Variants in DEFB134 observed in about 807,000 individuals in gnomAD.
DEFB134 encodes defensin beta 134.
In DEFB134, 7 loss-of-function variants were observed where a neutral mutation model predicts 7.4. That is an observed-to-expected ratio of 0.95 (90% CI 0.54 to 1.79). The LOEUF (loss-of-function observed/expected upper bound fraction) is 1.79, where lower values mean the gene tolerates loss of function less well. Among genes scored for constraint, DEFB134 ranks in the 40% most tolerant of loss-of-function variants. DEFB134 has a pLI of 0.00. For synonymous variants in DEFB134, 33 were observed against 25.0 expected, an observed-to-expected ratio of 1.32 and a Z score of -0.96; for missense variants, 105 against 74.8, an observed-to-expected ratio of 1.40 and a Z score of -1.49.
At chr8:11,999,193 C>T (rs1378224369), upstream of DEFB134, 1 of 195,570 alleles carries the variant, frequency 5.1e-6, no homozygotes, top group Non-Finnish European at 1.2e-5. Flanking sequence ...TCTTAGCAAC[C>T]AGCCAGTGAG....
chr8:11,997,235 T>C (rs1010029834), upstream of DEFB134, among the ~76,000 whole-genome samples: 6 of 152,258 alleles, frequency 3.9e-5, no homozygotes, highest in East Asian at 7.7e-4. Context: ...TCGTCCTTGC[T>C]ATAATATGAA....
chr8:11,997,371 A>G (rs1329089893), upstream of DEFB134, among the ~76,000 whole-genome samples: 3 of 152,200 alleles, frequency 2.0e-5, no homozygotes, highest in Non-Finnish European at 2.9e-5. Flanking sequence ...TAAAGCTGCT[A>G]TGGACATTCA....
At chr8:11,997,705 A>C (rs1033853132), upstream of DEFB134, among the ~76,000 whole-genome samples, 15 of 152,250 alleles carry the variant, frequency 9.9e-5, no homozygotes, top group African/African-American at 2.4e-5. Flanking sequence ...ATATTGGAGC[A>C]CTGAGATTTA....
intron 1 of DEFB134, among the ~76,000 whole-genome samples, 166 bp from the exon 3 acceptor site, chr8:11,994,288 C>G (rs1279824366): frequency 6.6e-6 from 1 of 152,010 alleles, no homozygotes; most frequent in Non-Finnish European, 1.5e-5. Flanking sequence ...TTGTGTCACC[C>G]CAAAATTCAT....
exon 1 of DEFB134, chr8:11,996,266 G>T: frequency 6.2e-7 from 1 of 1,613,542 alleles, no homozygotes; most frequent in South Asian, 1.1e-5. Flanking sequence ...GGGAACTTCT[G>T]TTAAGGAGGC....
chr8:11,999,385 A>C (rs1485015337), upstream of DEFB134: 2 of 205,738 alleles, frequency 9.7e-6, no homozygotes, highest in Non-Finnish European at 1.1e-5. Flanking sequence ...AAAGTGTTGA[A>C]TATGACTCAA....
At chr8:11,994,370 G>A (rs1346981251) in intron 1 of DEFB134, among the ~76,000 whole-genome samples, 1 of 152,184 alleles carries the variant, frequency 6.6e-6, no homozygotes, top group Non-Finnish European at 1.5e-5. Flanking sequence ...TAAGTTAAAT[G>A]AGGTCATGAT....
chr8:11,996,986 C>T (rs191298791), upstream of DEFB134, among the ~76,000 whole-genome samples: 9 of 152,332 alleles, frequency 5.9e-5, no homozygotes, highest in East Asian at 1.9e-4. Flanking sequence ...CATATCTATA[C>T]GTTTGTGAGA....
upstream of DEFB134, chr8:11,998,954 G>C (rs1228900062): frequency 6.6e-6 from 1 of 152,258 alleles, no homozygotes; most frequent in Admixed American, 6.5e-5. Context: ...ATAAATGCCT[G>C]GAAAAGTACA....
chr8:11,996,149 C>A, intron 1 of DEFB134, 45 bp downstream of exon 2: 1 of 1,608,434 alleles, frequency 6.2e-7, no homozygotes, highest in Non-Finnish European at 8.5e-7. Flanking sequence ...TGGCATTGTT[C>A]TTCTATATGA....
upstream of DEFB134, among the ~76,000 whole-genome samples, chr8:11,997,802 A>C (rs887137308): frequency 3.3e-5 from 5 of 152,212 alleles, no homozygotes; most frequent in African/African-American, 1.2e-4. Context: ...GACAGTGTTA[A>C]GCAGATACTT....
upstream of DEFB134, among the ~76,000 whole-genome samples, chr8:11,997,344 T>G (rs1800153422): frequency 6.6e-6 from 1 of 152,204 alleles, no homozygotes; most frequent in Admixed American, 6.5e-5. Flanking sequence ...TTATTTCCAG[T>G]TTTTGGCTAT....
At chr8:11,996,171 C>G in intron 1 of DEFB134, 23 bp downstream of exon 2, 1 of 1,613,060 alleles carries the variant, frequency 6.2e-7, no homozygotes, top group Non-Finnish European at 8.5e-7. Context: ...GCACCCCTAC[C>G]CCCCAAAATA....
rs772305241 is a variant in DEFB134, at chr8:11,994,134, A to G, written c.59-12T>C. On this transcript the variant is annotated splice_polypyrimidine_tract_variant and intron_variant, in intron 1 of 1. Coordinates refer to ENST00000526438, the Ensembl canonical transcript of DEFB134. ...TAATGAATTTATACCTGGAAGGAAAATGAATAGAAAGATAATTCACTACAG... is the reference window on the plus strand; with the variant it reads ...TAATGAATTTATACCTGGAAGGAAAGTGAATAGAAAGATAATTCACTACAG... 6.2e-7 allele frequency: 1 copy of G among 1,607,582 alleles called. No individual in the cohort carries two copies. The highest frequency in any genetic ancestry group is 8.5e-7 in the Non-Finnish European group (1 of 1,178,022).
chr8:11,995,867 G>A (rs1800105274), intron 1 of DEFB134, among the ~76,000 whole-genome samples: 1 of 151,056 alleles, frequency 6.6e-6, no homozygotes, highest in Non-Finnish European at 1.5e-5. Context: ...TTCCATACAT[G>A]ATCTGATTTA....
chr8:11,997,226 C>T (rs138763740), upstream of DEFB134, among the ~76,000 whole-genome samples: 1,313 of 152,282 alleles, frequency 8.6e-3, 8 homozygotes, highest in African/African-American at 0.029. Context: ...ATTTGAGATT[C>T]GTCCTTGCTA....
At chr8:11,999,217 GA>G, upstream of DEFB134, 1 of 205,010 alleles carries the variant, frequency 4.9e-6, no homozygotes, top group South Asian at 1.1e-4. Flanking sequence ...GTGGGTTCAT[GA>G]AAAGCAGGTA....
chr8:11,999,301 G>A (rs1277191719), upstream of DEFB134: 7 of 217,490 alleles, frequency 3.2e-5, no homozygotes, highest in Non-Finnish European at 7.1e-5. Flanking sequence ...CAATCACTCT[G>A]AGAAAAAAAG....
upstream of DEFB134, among the ~76,000 whole-genome samples, chr8:11,996,963 G>A (rs1354797880): frequency 2.0e-5 from 3 of 152,014 alleles, no homozygotes; most frequent in African/African-American, 4.8e-5. Flanking sequence ...GTGTACAATC[G>A]GATAAGTTTT....
Sources: gnomAD v4.1 joint callset for allele counts (sites outside exome capture counted in the v4.1 genomes callset) on GRCh38, gnomAD v4.1.1 for gene constraint, MANE v1.5 for transcripts, NCBI Gene and HGNC (gene_info 2026-07-23, HGNC 2026-07-21) for gene names.